Variants in DOC2B observed in about 807,000 individuals in gnomAD.
DOC2B encodes double C2 domain beta, also known as double C2-like domain-containing protein beta.
DOC2B carries 21 observed loss-of-function variants against 28.9 expected under a neutral mutation model. The observed-to-expected ratio is 0.73, with a 90% CI of 0.52 to 1.05. DOC2B has a LOEUF of 1.05. Among genes scored for constraint, DOC2B ranks in the 50% least tolerant of loss-of-function variants. The probability of loss-of-function intolerance (pLI) is 0.00; values close to 1 mark genes in which losing one functional copy is unlikely to be tolerated. For missense variants in DOC2B, 384 were observed against 421.1 expected (o/e 0.91, Z 0.77); for synonymous variants, 194 against 178.1 (o/e 1.09, Z -0.71).
At position 145,337 on chromosome 17, in the gene DOC2B, G is replaced by GA. The variant is rs2040011361; in HGVS notation, c.*2103dup. ...CAGAGAGAGAAAGCGGCAGTCAGAG[G>GA]ACCTGGGTTTGAGTCCTGGTTCACC... On this transcript the variant is annotated 3_prime_UTR_variant, in exon 9 of 9. Coordinates refer to ENST00000613549, the MANE Select transcript of DOC2B (RefSeq NM_003585.5). 3 of 152,408 alleles carry GA rather than the reference G, an allele frequency of 2.0e-5. No individual in the cohort carries two copies. Among genetic ancestry groups the GA allele is most frequent in the African/African-American group, 7.2e-5 (3 of 41,556 alleles). 9.4% of individuals were successfully genotyped at this position (152,408 alleles called of 1,614,324 possible).
At chr17:168,893 CTTTAT>C (rs771024702) in intron 2 of DOC2B, among the ~76,000 whole-genome samples, 2 of 152,194 alleles carry the variant, frequency 1.3e-5, no homozygotes, top group Admixed American at 6.5e-5. Context: ...AACCTCTTTC[CTTTAT>C]AAATTACACA....
chr17:149,558 CTTTTTTT>C (rs1331274192), intron 6 of DOC2B, among the ~76,000 whole-genome samples: 23 of 147,842 alleles, frequency 1.6e-4, no homozygotes. Flanking sequence ...GTTCAAACTT[CTTTTTTT>C]TTTTCAGATG....
At chr17:174,992 C>A (rs971909102) in intron 1 of DOC2B, among the ~76,000 whole-genome samples, 1 of 152,234 alleles carries the variant, frequency 6.6e-6, no homozygotes, top group African/African-American at 2.4e-5. Context: ...ATAATCCCAG[C>A]ACTTTGGGAG....
At chr17:177,057 T>C (rs1002828571) in intron 1 of DOC2B, among the ~76,000 whole-genome samples, 2 of 119,224 alleles carry the variant, frequency 1.7e-5, no homozygotes, top group African/African-American at 6.3e-5. Flanking sequence ...TTAAGAAAAA[T>C]GTCAGGCTCT....
At chr17:177,881 C>T (rs1464472645) in intron 1 of DOC2B, among the ~76,000 whole-genome samples, 2 of 152,266 alleles carry the variant, frequency 1.3e-5, no homozygotes, top group Non-Finnish European at 2.9e-5. Flanking sequence ...AACCCCTTGT[C>T]CTTGCTCCAG....
intron 2 of DOC2B, among the ~76,000 whole-genome samples, chr17:169,498 G>A (rs576531887): frequency 6.6e-6 from 1 of 151,980 alleles, no homozygotes; most frequent in African/African-American, 2.4e-5. Flanking sequence ...GAGCGCTGAG[G>A]GAAGAAGTAA....
At chr17:163,064 G>A (rs1017404710) in intron 3 of DOC2B, among the ~76,000 whole-genome samples, 4 of 152,218 alleles carry the variant, frequency 2.6e-5, no homozygotes, top group Admixed American at 2.6e-4. Flanking sequence ...AAAGGGCACA[G>A]GAATCCCTCT....
intron 2 of DOC2B, among the ~76,000 whole-genome samples, chr17:171,929 C>A (rs867207907): frequency 7.2e-5 from 10 of 138,236 alleles, no homozygotes; most frequent in African/African-American, 2.7e-4. Flanking sequence ...AGGGGAGCAC[C>A]AGGGGCCGGG....
rs914549607 is a variant in DOC2B, at chr17:161,361, C to T, written c.765+54G>A. On this transcript the variant is annotated intron_variant, in intron 5 of 8. Transcript: ENST00000613549. ...ATCACAGGCAGGAAGTTCTGCCTTC[C>T]CAGCACCTGCCACCGAGCCAGGTAC... 1.6e-5 allele frequency: 25 copies of T among 1,535,318 alleles called. No homozygotes were observed. The African/African-American group carries it at 3.0e-4, about 19-fold the overall frequency.
intron 1 of DOC2B, among the ~76,000 whole-genome samples, chr17:177,008 G>A (rs1019968512): frequency 4.0e-5 from 6 of 150,958 alleles, no homozygotes; most frequent in African/African-American, 1.5e-4. Context: ...GACACCCTTG[G>A]GAATAGGAAA....
intron 1 of DOC2B, among the ~76,000 whole-genome samples, chr17:174,669 T>A (rs1415787776): frequency 1.3e-5 from 2 of 152,166 alleles, no homozygotes; most frequent in African/African-American, 4.8e-5. Flanking sequence ...CTTTTCGGTT[T>A]TCTTCATTTT....
chr17:144,937 TCTC>T lies in DOC2B; in HGVS notation c.*2501_*2503del, dbSNP rs1485617548. 1.3e-5 allele frequency: 2 copies of T among 152,042 alleles called. No individual in the cohort carries two copies. The highest frequency in any genetic ancestry group is 2.9e-5 in the Non-Finnish European group (2 of 68,006). The allele number at this position is 152,042 out of a possible 1,614,324, so 9.4% of individuals were successfully genotyped here. On this transcript the variant is annotated 3_prime_UTR_variant, in exon 9 of 9. Transcript: ENST00000613549. ...CTGTGTCTTCAGAGAGGCTGTCAAA[TCTC>T]CTCTCTGAATGAGACCCCCAAAAAA... is the stretch of plus-strand genomic sequence containing the variant.
At chr17:161,271 C>A (rs1468692398) in intron 5 of DOC2B, 144 bp downstream of exon 5, 4 of 868,480 alleles carry the variant, frequency 4.6e-6, no homozygotes, top group African/African-American at 3.3e-5. Context: ...ACCTCCACCC[C>A]CTTGACTCTC....
intron 1 of DOC2B, among the ~76,000 whole-genome samples, chr17:174,366 C>T (rs1351858025): frequency 6.6e-6 from 1 of 152,170 alleles, no homozygotes; most frequent in East Asian, 1.9e-4. Context: ...CACAGTGTGC[C>T]TGCGGTGTAG....
At chr17:162,733 C>T (rs905897979) in intron 3 of DOC2B, among the ~76,000 whole-genome samples, 1 of 152,218 alleles carries the variant, frequency 6.6e-6, no homozygotes, top group Non-Finnish European at 1.5e-5. Context: ...GGAGGCTCAT[C>T]CAAGGAGGAC....
chr17:161,669 C>T (rs1321761493), intron 4 of DOC2B, 128 bp from the exon 5 acceptor site: 25 of 1,448,494 alleles, frequency 1.7e-5, no homozygotes, highest in East Asian at 1.0e-4. Context: ...GGGTGGGAGA[C>T]GCACAAGATG....
intron 2 of DOC2B, among the ~76,000 whole-genome samples, chr17:170,040 T>C (rs918768584): frequency 3.3e-5 from 5 of 152,194 alleles, no homozygotes; most frequent in African/African-American, 1.2e-4. Context: ...CCCTGGTGTC[T>C]GGCATGGAGA....
chr17:148,136 C>A (rs1345090745), intron 8 of DOC2B, 37 bp downstream of exon 8: 4 of 398,422 alleles, frequency 1.0e-5, no homozygotes, highest in Non-Finnish European at 1.8e-5. Flanking sequence ...CCAGGACAGG[C>A]ACACAGTGAG....
chr17:157,171 C>A (rs1171140122), intron 5 of DOC2B, among the ~76,000 whole-genome samples: 2 of 152,252 alleles, frequency 1.3e-5, no homozygotes, highest in African/African-American at 4.8e-5. Context: ...TCCACCAGGT[C>A]CTCCTCACAG....
Sources: gnomAD v4.1 joint callset for allele counts (sites outside exome capture counted in the v4.1 genomes callset) on GRCh38, gnomAD v4.1.1 for gene constraint, MANE v1.5 for transcripts, NCBI Gene and HGNC (gene_info 2026-07-23, HGNC 2026-07-21) for gene names.